The following AHNAK2 variants were observed in gnomAD, a reference collection of about 807,000 sequenced individuals.
The protein encoded by AHNAK2 is protein AHNAK2.
In AHNAK2, 18 loss-of-function variants were observed where a neutral mutation model predicts 30.7. The ratio of observed to expected loss-of-function variants is 0.59; its 90% confidence interval spans 0.41 to 0.87. The LOEUF (loss-of-function observed/expected upper bound fraction) is 0.87. AHNAK2 is among the 40% of genes least tolerant of loss of function. AHNAK2 has a pLI of 0.00. For missense variants in AHNAK2, 8,604 were observed against 7,373.0 expected, an observed-to-expected ratio of 1.17 and a Z score of -6.11; for synonymous variants, 3,590 against 3,073.8, an observed-to-expected ratio of 1.17 and a Z score of -5.56.
rs1245417219 is a variant in AHNAK2, at chr14:104,943,792, G to A, written c.11659C>T (p.Pro3887Ser). The change falls in exon 7 of 7, where the codon CCC (proline) becomes TCC (serine). Residue 3887 changes from proline (P) to serine (S), a missense_variant. Transcript: ENST00000333244. Reference protein sequence around the residue: ...PEEAGLKGHLPKVQMPSFKMP... With the variant: ...PEEAGLKGHLSKVQMPSFKMP... ...TTGAAACTGGGCATCTGCACCTTGG[G>A]CAGGTGTCCTTTGAGGCCGGCTTCC... is the stretch of plus-strand genomic sequence containing the variant. 1.2e-6 allele frequency: 2 copies of A among 1,613,156 alleles called. No individual in the cohort carries two copies. The highest frequency in any genetic ancestry group is 1.7e-4 in the Middle Eastern group (1 of 6,052).
Position 104,978,218 on chromosome 14 carries a change from A to C in AHNAK2, c.20T>G (p.Met7Arg). Residue 7 changes from methionine (M) to arginine (R), a missense_variant, in exon 1 of 7, where the codon ATG (methionine) becomes AGG (arginine). Met to Arg is a moderately conservative substitution (Grantham distance 91, BLOSUM62 -1). Coordinates refer to ENST00000333244, the MANE Select transcript of AHNAK2 (RefSeq NM_138420.4). MCDCFH[M>R]VLPTWPGTPG... ...GGTTCCGGGCCAGGTGGGCAGCACC[A>C]TGTGGAAGCAGTCGCACATCGCGGC... 1 of 1,180,778 alleles carries C rather than the reference A, an allele frequency of 8.5e-7. No individual in the cohort carries two copies. Among genetic ancestry groups the C allele is most frequent in the Middle Eastern group, 3.4e-4 (1 of 2,940 alleles). 73.1% of individuals were successfully genotyped at this position (1,180,778 alleles called of 1,614,324 possible).
In AHNAK2 at chr14:104,950,949, G is replaced by A. The variant is rs149840830; in HGVS notation, c.4502C>T (p.Pro1501Leu). ...GCCTGGGGCAGACACCCCGAACGAC[G>A]GCATCTTGAACTTGGGCATTTTGAA... Reference protein sequence around the residue: ...SKFKMPKFKMPSFGVSAPGKS... With the variant: ...SKFKMPKFKMLSFGVSAPGKS... Residue 1501 changes from proline to leucine, a missense_variant, in exon 7 of 7, where the codon CCG (proline) becomes CTG (leucine). Pro to Leu is a moderately conservative substitution (Grantham distance 98). Transcript: ENST00000333244. The A allele has an allele frequency of 9.3e-3, 14,014 of 1,512,634 alleles. 2,249 individuals are homozygous for A. In the African/African-American group the frequency reaches 0.17, roughly 18 times the overall value. 93.7% of individuals were successfully genotyped at this position (1,512,634 alleles called of 1,614,324 possible).
At position 104,949,845 on chromosome 14, in the gene AHNAK2, G is replaced by A. The variant is rs369832156; in HGVS notation, c.5606C>T (p.Thr1869Met). ...AGAAGGGAGCGGAATGCAGAGGTCC[G>A]TGGTCTTGAGGTCCCCCTGCATGGA... ...LPSMQGDLKT[T>M]DLCIPLPSAD... is the part of the protein sequence containing the mutation. The change falls in exon 7 of 7, where the codon ACG becomes ATG. Residue 1869 changes from threonine (T) to methionine (M), a missense_variant. Transcript: ENST00000333244. The A allele has an allele frequency of 8.1e-5, 129 of 1,587,602 alleles. 11 individuals are homozygous for A. Among genetic ancestry groups the A allele is most frequent in the East Asian group, 4.2e-4 (19 of 44,720 alleles).
chr14:104,957,329 A>C (rs74090133), intron 3 of AHNAK2, 81 bp downstream of exon 3: 43,386 of 1,332,522 alleles, frequency 0.033, 885 homozygotes, highest in African/African-American at 0.078. Flanking sequence ...AGCAAGGTTG[A>C]ACAGACATGC....
rs572641808 is a variant in AHNAK2, at chr14:104,945,141, G to A, written c.10310C>T (p.Pro3437Leu). Residue 3437 changes from proline to leucine, a missense_variant, in exon 7 of 7, where the codon CCC becomes CTC. Coordinates refer to ENST00000333244, the MANE Select transcript of AHNAK2 (RefSeq NM_138420.4). ...VTVPDVEVSLPSVEVDVQAPR... is the reference protein window; with the variant it reads ...VTVPDVEVSLLSVEVDVQAPR... ...GGCCTGGACGTCCACCTCCACGCTG[G>A]GCAGAGACACCTCCACATCAGGGAC... The A allele has an allele frequency of 3.7e-6, 6 of 1,613,166 alleles. No homozygotes were observed. The South Asian group carries it at 6.6e-5, about 18-fold the overall frequency.
rs1239940720 is a variant in AHNAK2 at position 104,941,766 on chromosome 14, T to C, written c.13685A>G (p.Lys4562Arg). 4 of 1,613,786 alleles carry C rather than the reference T, an allele frequency of 2.5e-6. No individual in the cohort carries two copies. Among genetic ancestry groups the C allele is most frequent in the Non-Finnish European group, 2.5e-6 (3 of 1,179,840 alleles). Reference sequence around the variant, plus strand: ...GCCCTTGACGTCCACCTGGGGGCCCTTGAGGTCCACTTTGGGCATCTTGAA... The same window carrying C: ...GCCCTTGACGTCCACCTGGGGGCCCCTGAGGTCCACTTTGGGCATCTTGAA... ...PSFKMPKVDLKGPQVDVKGPK... is the reference protein window; with the variant it reads ...PSFKMPKVDLRGPQVDVKGPK... Residue 4562 changes from lysine to arginine, a missense_variant, in exon 7 of 7, where the codon AAG (lysine) becomes AGG (arginine). By Grantham distance (26) the Lys-to-Arg change is conservative. Transcript: ENST00000333244.
At position 104,943,345 on chromosome 14, in the gene AHNAK2, G is replaced by T. The variant is rs759113910; in HGVS notation, c.12106C>A (p.Leu4036Ile). The change falls in exon 7 of 7, where the codon CTC (leucine) becomes ATC (isoleucine). Residue 4036 changes from leucine (L) to isoleucine (I), a missense_variant. By Grantham distance (5) the Leu-to-Ile change is conservative. Transcript: ENST00000333244. ...EVQAGQVDVK[L>I]PEGPVPEGAS... ...CCCTCGGGCACGGGGCCCTCTGGGA[G>T]TTTCACGTCCACTTGGCCAGCCTGG... The T allele has an allele frequency of 7.4e-6, 12 of 1,612,880 alleles. No individual in the cohort carries two copies. In the Middle Eastern group the frequency reaches 6.6e-4, roughly 89 times the overall value.
chr14:104,978,256 C>G lies in AHNAK2; in HGVS notation c.-19G>C. On this transcript the variant is annotated 5_prime_UTR_variant, in exon 1 of 7. Transcript: ENST00000333244. ...CGCACATCGCGGCGGCCAGGCGGTG[C>G]GGGCCTGGCGGCCCGTCGCGTCCAG... 1.9e-6 allele frequency: 2 copies of G among 1,049,674 alleles called. No homozygotes were observed. The allele number at this position is 1,049,674 out of a possible 1,614,324, so 65.0% of individuals were successfully genotyped here. A position where few individuals can be genotyped will look rare whatever the true frequency, so the allele number is the denominator to read the frequency against.
intron 2 of AHNAK2, 46 bp downstream of exon 2, chr14:104,957,567 TG>T: frequency 5.0e-6 from 8 of 1,599,872 alleles, no homozygotes; most frequent in Non-Finnish European, 6.8e-6. Flanking sequence ...CCAGGGAGAA[TG>T]GGGGCAGGGT....
chr14:104,967,822 C>G (rs1240249192), intron 1 of AHNAK2, among the ~76,000 whole-genome samples: 1 of 152,218 alleles, frequency 6.6e-6, no homozygotes, highest in Non-Finnish European at 1.5e-5. Context: ...GCCTCGGACC[C>G]GCGCCAGTCG....
At chr14:104,965,888 G>A (rs925407808) in intron 1 of AHNAK2, among the ~76,000 whole-genome samples, 4 of 152,206 alleles carry the variant, frequency 2.6e-5, no homozygotes, top group African/African-American at 9.6e-5. Context: ...TCATGGATAT[G>A]TGGACCACCC....
In AHNAK2 at chr14:104,945,900, C is replaced by G; in HGVS notation, c.9551G>C (p.Gly3184Ala). Residue 3184 changes from glycine (G) to alanine (A), a missense_variant, in exon 7 of 7, where the codon GGG becomes GCG. Coordinates refer to ENST00000333244, the MANE Select transcript of AHNAK2 (RefSeq NM_138420.4). Reference sequence around the variant, plus strand: ...GCTGATGTCAGTGTTCTTCAGGTCCCCCTGCATGGAGGGGAGGCTCAGGTC... The same window carrying G: ...GCTGATGTCAGTGTTCTTCAGGTCCGCCTGCATGGAGGGGAGGCTCAGGTC... Reference protein sequence around the residue: ...EADLSLPSMQGDLKNTDISIE... With the variant: ...EADLSLPSMQADLKNTDISIE... 8.0e-7 allele frequency: 1 copy of G among 1,252,640 alleles called. No individual in the cohort carries two copies. The allele number at this position is 1,252,640 out of a possible 1,614,324, so 77.6% of individuals were successfully genotyped here. A position where few individuals can be genotyped will look rare whatever the true frequency, so the allele number is the denominator to read the frequency against.
Position 104,952,012 on chromosome 14 carries a change from C to G in AHNAK2, c.3439G>C (p.Gly1147Arg). Residue 1147 changes from glycine to arginine, a missense_variant, in exon 7 of 7, where the codon GGG becomes CGG. Gly to Arg is a moderately radical substitution (Grantham distance 125, BLOSUM62 -2). Transcript: ENST00000333244. ...TCCTTGTCGGCCAGGGACAGTTCCCCCTCCAGCCGCGCACTGTCCAGCTTG... is the reference window on the plus strand; with the variant it reads ...TCCTTGTCGGCCAGGGACAGTTCCCGCTCCAGCCGCGCACTGTCCAGCTTG... ...GAKLDSARLE[G>R]ELSLADKDVT... 6.2e-7 allele frequency: 1 copy of G among 1,612,616 alleles called. No individual in the cohort carries two copies.
chr14:104,970,410 G>A, intron 1 of AHNAK2: 1 of 985,376 alleles, frequency 1.0e-6, no homozygotes, highest in Non-Finnish European at 1.2e-6. Context: ...ACCCGCGGAA[G>A]AGTGAGGCAA....
chr14:104,948,969 G>A lies in AHNAK2; in HGVS notation c.6482C>T (p.Pro2161Leu), dbSNP rs374293640. The A allele has an allele frequency of 1.7e-4, 211 of 1,241,644 alleles. 27 individuals are homozygous for A. The highest frequency in any genetic ancestry group is 1.0e-3 in the African/African-American group (70 of 69,802). 76.9% of individuals were successfully genotyped at this position (1,241,644 alleles called of 1,614,324 possible). A position where few individuals can be genotyped will look rare whatever the true frequency, so the allele number is the denominator to read the frequency against. The change falls in exon 7 of 7, where the codon CCG becomes CTG. Residue 2161 changes from proline to leucine, a missense_variant. Pro to Leu is a moderately conservative substitution (Grantham distance 98). Coordinates refer to ENST00000333244, the MANE Select transcript of AHNAK2 (RefSeq NM_138420.4). The part of the protein sequence containing the change: ...SKFKMPKFKM[P>L]SFGVSAPGKS... Reference sequence around the variant, plus strand: ...GCCTGGGGCAGACACCCCAAACGACGGCATCTTGAACTTGGGCATTTTGAA... The same window carrying A: ...GCCTGGGGCAGACACCCCAAACGACAGCATCTTGAACTTGGGCATTTTGAA...
rs372262856 is a variant in AHNAK2 at position 104,941,850 on chromosome 14, C to T, written c.13601G>A (p.Gly4534Asp). 1.2e-6 allele frequency: 2 copies of T among 1,613,086 alleles called. No individual in the cohort carries two copies. Among genetic ancestry groups the T allele is most frequent in the African/African-American group, 2.7e-5 (2 of 74,756 alleles). The stretch of plus-strand genomic sequence containing the variant: ...GAGGCCGGCTACCTCGGGCATGTGG[C>T]CTTCTGGAAGTTTCAAGTCCACCTG... ...AGQVDLKLPE[G>D]HMPEVAGLKG... is the part of the protein sequence containing the mutation. The change falls in exon 7 of 7, where the codon GGC (glycine) becomes GAC (aspartate). Residue 4534 changes from glycine (G) to aspartate (D), a missense_variant. By Grantham distance (94) the Gly-to-Asp change is moderately conservative. Transcript: ENST00000333244.
In AHNAK2 at chr14:104,950,730, C is replaced by A. The variant is rs781289257; in HGVS notation, c.4721G>T (p.Gly1574Val). Residue 1574 changes from glycine (G) to valine (V), a missense_variant, in exon 7 of 7, where the codon GGG becomes GTG. Coordinates refer to ENST00000333244, the MANE Select transcript of AHNAK2 (RefSeq NM_138420.4). ...GGGCATCTGCACTTTGGGCAGGTGC[C>A]CTTTGAGGCCGGCTCCCTCGGACAC... ...GPVSEGAGLK[G>V]HLPKVQMPSF... is the part of the protein sequence containing the mutation. 13 of 1,587,858 alleles carry A rather than the reference C, an allele frequency of 8.2e-6. 3 individuals carry two copies. The highest frequency in any genetic ancestry group is 4.5e-5 in the East Asian group (2 of 44,184).
At position 104,952,301 on chromosome 14, in the gene AHNAK2, A is replaced by T; in HGVS notation, c.3150T>A (p.Pro1050=). The change falls in exon 7 of 7, where the codon CCT becomes CCA. Residue 1050 remains proline, a synonymous_variant. Coordinates refer to ENST00000333244, the MANE Select transcript of AHNAK2 (RefSeq NM_138420.4). ...CCTGGACCTTCAGGTCAGTAGAAGC[A>T]GGCTGAATGCTGAGGTCAGTGGTCT... ...DLKTTDLSIQ[P]ASTDLKVQAD... 3 of 1,608,214 alleles carry T rather than the reference A, an allele frequency of 1.9e-6. 1 individual carries two copies. Among genetic ancestry groups the T allele is most frequent in the Non-Finnish European group, 2.5e-6 (3 of 1,177,622 alleles).
rs746520617 is a variant in AHNAK2 at position 104,952,386 on chromosome 14, T to G, written c.3065A>C (p.Asp1022Ala). Residue 1022 changes from aspartate (D) to alanine (A), a missense_variant, in exon 7 of 7, where the codon GAT (aspartate) becomes GCT (alanine). By Grantham distance (126) the Asp-to-Ala change is moderately radical. Transcript: ENST00000333244. ...APGKSIKALV[D>A]VSAPKVEADL... ...GGCCTCCACCTTGGGTGCAGACACA[T>G]CCACCAAGGCCTTGATGGACTTCCC... is the stretch of plus-strand genomic sequence containing the variant. 2.5e-6 allele frequency: 4 copies of G among 1,612,466 alleles called. No individual in the cohort carries two copies. Among genetic ancestry groups the G allele is most frequent in the Non-Finnish European group, 3.4e-6 (4 of 1,179,542 alleles).
Sources: gnomAD v4.1 joint callset for allele counts (sites outside exome capture counted in the v4.1 genomes callset) on GRCh38, gnomAD v4.1.1 for gene constraint, MANE v1.5 for transcripts, NCBI Gene and HGNC (gene_info 2026-07-23, HGNC 2026-07-21) for gene names.